The following KHDRBS2 variants were observed in gnomAD, a reference collection of about 807,000 sequenced individuals.
The protein encoded by KHDRBS2 is KH domain-containing, RNA-binding, signal transduction-associated protein 2.
KHDRBS2 carries 26 observed loss-of-function variants against 44.3 expected under a neutral mutation model. The ratio of observed to expected loss-of-function variants is 0.59; its 90% CI spans 0.43 to 0.81. The LOEUF is 0.81. Among genes scored for constraint, KHDRBS2 ranks in the 40% least tolerant of loss-of-function variants. KHDRBS2 has a pLI of 0.00. For synonymous variants in KHDRBS2, 194 were observed against 151.1 expected (o/e 1.28, Z -2.08); for missense variants, 476 against 433.1 (o/e 1.10, Z -0.88).
chr6:61,916,843 T>C (rs1454926602), intron 4 of KHDRBS2, among the ~76,000 whole-genome samples: 3 of 151,844 alleles, frequency 2.0e-5, no homozygotes, highest in East Asian at 1.9e-4. Context: ...CAAAATCATA[T>C]GTCATTAGGG....
intron 4 of KHDRBS2, among the ~76,000 whole-genome samples, chr6:61,908,399 C>T (rs535591136): frequency 3.2e-4 from 48 of 151,884 alleles, no homozygotes; most frequent in Non-Finnish European, 6.0e-4. Flanking sequence ...CTTTGGGAGG[C>T]CGAGGCGGGC....
intron 4 of KHDRBS2, among the ~76,000 whole-genome samples, chr6:61,931,561 T>A (rs1019402486): frequency 6.6e-6 from 1 of 152,196 alleles, no homozygotes; most frequent in African/African-American, 2.4e-5. Context: ...TGGTTTTATA[T>A]GCTCATTTAT....
intron 1 of KHDRBS2, among the ~76,000 whole-genome samples, chr6:62,195,260 T>C (rs1287516403): frequency 6.6e-6 from 1 of 152,210 alleles, no homozygotes; most frequent in Non-Finnish European, 1.5e-5. Flanking sequence ...TATTTTTGTA[T>C]GCGTTTGCAT....
At chr6:62,145,896 G>C (rs1470654329) in intron 2 of KHDRBS2, among the ~76,000 whole-genome samples, 1 of 151,754 alleles carries the variant, frequency 6.6e-6, no homozygotes, top group Non-Finnish European at 1.5e-5. Context: ...AGCTATATGT[G>C]TAAGGTATAT....
intron 1 of KHDRBS2, among the ~76,000 whole-genome samples, chr6:62,206,486 T>G (rs962397632): frequency 3.3e-5 from 5 of 152,152 alleles, no homozygotes; most frequent in Non-Finnish European, 7.4e-5. Flanking sequence ...TATGTTGAGT[T>G]CTATTTTTGC....
At chr6:61,967,899 CACACAT>C (rs1770424832) in intron 4 of KHDRBS2, among the ~76,000 whole-genome samples, 1 of 128,882 alleles carries the variant, frequency 7.8e-6, no homozygotes, top group Non-Finnish European at 1.7e-5. Flanking sequence ...TACACACACA[CACACAT>C]ATATATATAC....
rs56327148 is a variant in KHDRBS2 at position 61,737,938 on chromosome 6, G to T, written c.811-5174C>A. 3.1e-3 allele frequency among the ~76,000 whole-genome samples: 478 copies of T among 151,996 alleles called. 4 individuals carry two copies. The highest frequency in any genetic ancestry group is 0.01 in the African/African-American group (435 of 41,504). On this transcript the variant is annotated intron_variant, in intron 6 of 8. Transcript: ENST00000281156. ...AAAAATATGCATTGTGCTGATGATG[G>T]TCTAAGATAAATCACTAAAATAGAC...
chr6:62,042,605 G>T (rs1786778722), intron 3 of KHDRBS2, among the ~76,000 whole-genome samples: 2 of 152,096 alleles, frequency 1.3e-5, no homozygotes, highest in African/African-American at 4.8e-5. Flanking sequence ...GCTGTTTGAT[G>T]TTAGGCAGAG....
intron 4 of KHDRBS2, among the ~76,000 whole-genome samples, chr6:61,948,399 T>C (rs926526238): frequency 9.2e-5 from 14 of 152,162 alleles, no homozygotes; most frequent in African/African-American, 3.1e-4. Context: ...GAAGAAAAAC[T>C]TAGTCAATGT....
chr6:61,716,058 C>T (rs961614644), intron 7 of KHDRBS2, among the ~76,000 whole-genome samples: 1 of 151,814 alleles, frequency 6.6e-6, no homozygotes, highest in African/African-American at 2.4e-5. Flanking sequence ...TTGAATCTGG[C>T]TGGACTTGTG....
At position 62,234,939 on chromosome 6, in the gene KHDRBS2, A is replaced by C. The variant is rs1412799889; in HGVS notation, c.91+50919T>G. 6.6e-5 allele frequency among the ~76,000 whole-genome samples: 10 copies of C among 152,126 alleles called. No homozygotes were observed. In the East Asian group the frequency reaches 1.9e-3, roughly 29 times the overall value. On this transcript the variant is annotated intron_variant, in intron 1 of 8. Coordinates refer to ENST00000281156, the MANE Select transcript of KHDRBS2 (RefSeq NM_152688.4). ...AAAATTTTGAACTATAAAAATTATAATATTTAAAATGCTAGTATATCTAAT... is the reference window on the plus strand; with the variant it reads ...AAAATTTTGAACTATAAAAATTATACTATTTAAAATGCTAGTATATCTAAT...
intron 2 of KHDRBS2, among the ~76,000 whole-genome samples, chr6:62,109,756 G>A (rs971952425): frequency 6.7e-6 from 1 of 149,688 alleles, no homozygotes; most frequent in African/African-American, 2.5e-5. Context: ...AGAAGAAGGA[G>A]AAGGAATTAA....
chr6:61,705,269 T>C (rs1468501910), intron 7 of KHDRBS2, among the ~76,000 whole-genome samples: 1 of 151,814 alleles, frequency 6.6e-6, no homozygotes, highest in Non-Finnish European at 1.5e-5. Context: ...ACCAACTGAT[T>C]TCTGAATTTT....
intron 6 of KHDRBS2, among the ~76,000 whole-genome samples, chr6:61,861,598 T>C (rs987740886): frequency 6.6e-6 from 1 of 152,100 alleles, no homozygotes; most frequent in Admixed American, 6.6e-5. Flanking sequence ...ACCAGTACCA[T>C]GCTGTTTCAA....
chr6:61,844,968 T>A lies in KHDRBS2; in HGVS notation c.810+49667A>T, dbSNP rs189633234. On this transcript the variant is annotated intron_variant, in intron 6 of 8. Coordinates refer to ENST00000281156, the MANE Select transcript of KHDRBS2 (RefSeq NM_152688.4). ...TGCTCACTTTGGAAATTGTATCTGC[T>A]TTATATTGTTTTTGCTGCAGGCTGA... is the stretch of plus-strand genomic sequence containing the variant. 2.3e-3 allele frequency among the ~76,000 whole-genome samples: 345 copies of A among 152,352 alleles called. 2 individuals are homozygous for A. The highest frequency in any genetic ancestry group is 8.1e-3 in the African/African-American group (336 of 41,588).
At chr6:62,082,065 G>T (rs1390526932) in intron 2 of KHDRBS2, among the ~76,000 whole-genome samples, 2 of 151,920 alleles carry the variant, frequency 1.3e-5, no homozygotes, top group African/African-American at 2.4e-5. Context: ...ATGCCCAATG[G>T]GAATTGATAA....
At chr6:61,964,987 T>C (rs1286622424) in intron 4 of KHDRBS2, among the ~76,000 whole-genome samples, 1 of 152,170 alleles carries the variant, frequency 6.6e-6, no homozygotes, top group Non-Finnish European at 1.5e-5. Flanking sequence ...TATACTTGTA[T>C]ATTCATGAAT....
In KHDRBS2 at chr6:61,894,759, G is replaced by T; in HGVS notation, c.686C>A (p.Thr229Asn). Residue 229 changes from threonine (T) to asparagine (N), a missense_variant, in exon 6 of 9, where the codon ACC (threonine) becomes AAC (asparagine). By Grantham distance (65) the Thr-to-Asn change is moderately conservative. Coordinates refer to ENST00000281156, the MANE Select transcript of KHDRBS2 (RefSeq NM_152688.4). Reference protein sequence around the residue: ...GVLTPRGSTVTRGALPVPPVA... With the variant: ...GVLTPRGSTVNRGALPVPPVA... ...AGGTGGCACTGGAAGCGCTCCACGGGTTACAGTGCTTCCCCGAGGGGTGAG... is the reference window on the plus strand; with the variant it reads ...AGGTGGCACTGGAAGCGCTCCACGGTTTACAGTGCTTCCCCGAGGGGTGAG... 1 of 1,613,646 alleles carries T rather than the reference G, an allele frequency of 6.2e-7. No homozygotes were observed.
the KHDRBS2 span, among the ~76,000 whole-genome samples, chr6:61,576,653 T>G: frequency 1.1e-4 from 16 of 152,260 alleles, no homozygotes; most frequent in African/African-American, 3.4e-4. Context: ...AGAAATAGCT[T>G]TATTGAGATG....
Sources: allele counts gnomAD v4.1 joint callset (sites outside exome capture counted in the v4.1 genomes callset), GRCh38; gene constraint gnomAD v4.1.1; transcripts MANE v1.5; gene names NCBI Gene and HGNC (gene_info 2026-07-23, HGNC 2026-07-21).